Variants in PGM3 observed in about 807,000 individuals in gnomAD.
PGM3 encodes phosphoglucomutase 3.
PGM3 carries 40 observed loss-of-function variants against 66.2 expected under a neutral mutation model. The observed-to-expected ratio is 0.60, with a 90% CI of 0.47 to 0.79. PGM3 has a LOEUF of 0.79. Ranked by LOEUF, PGM3 falls within the 30% of genes least tolerant of loss-of-function variation. The pLI, the probability that PGM3 is intolerant of heterozygous loss-of-function variation, is 0.00. For synonymous variants in PGM3, 191 were observed against 224.2 expected (o/e 0.85, Z 1.32); for missense variants, 537 against 643.4 (o/e 0.83, Z 1.79).
Position 83,181,906 on chromosome 6 carries a change from C to A in PGM3, c.617G>T (p.Arg206Ile). 1.2e-6 allele frequency: 2 copies of A among 1,603,074 alleles called. No homozygotes were observed. The highest frequency in any genetic ancestry group is 1.7e-6 in the Non-Finnish European group (2 of 1,176,996). Residue 206 changes from arginine (R) to isoleucine (I), a missense_variant, in exon 6 of 13, where the codon AGA becomes ATA. Transcript: ENST00000513973. ...KQASCSGDEY[R>I]SLKVDCANGI... ...ATTTGCACAGTCAACCTTAAGTGAT[C>A]TGTATTCATCTCCACTGCAAGAAGC... is the stretch of plus-strand genomic sequence containing the variant.
At chr6:83,187,845 A>G (rs992912617) in intron 3 of PGM3, among the ~76,000 whole-genome samples, 4 of 152,134 alleles carry the variant, frequency 2.6e-5, no homozygotes, top group Admixed American at 6.6e-5. Context: ...GTAGGAAAAA[A>G]CGTTTCATCA....
Position 83,191,180 on chromosome 6 carries a change from G to C in PGM3, c.-2-166C>G, listed in dbSNP as rs755174589. 1.3e-6 allele frequency: 2 copies of C among 1,527,516 alleles called. No individual in the cohort carries two copies. The highest frequency in any genetic ancestry group is 2.0e-5 in the Admixed American group (1 of 50,984). 94.6% of individuals were successfully genotyped at this position (1,527,516 alleles called of 1,614,324 possible). A position where few individuals can be genotyped will look rare whatever the true frequency, so the allele number is the denominator to read the frequency against. ...GCAGGAGAGTAAGTCCTGTGGGTTA[G>C]AATTACCTACAAGATGTTGTCCAAC... On this transcript the variant is annotated intron_variant, in intron 1 of 12. Coordinates refer to ENST00000513973, the MANE Select transcript of PGM3 (RefSeq NM_015599.3).
rs1257080756 is a variant in PGM3 at position 83,166,273 on chromosome 6, T to C, written c.*2961A>G. 1 of 574,016 alleles carries C rather than the reference T, an allele frequency of 1.7e-6. No homozygotes were observed. Among genetic ancestry groups the C allele is most frequent in the Non-Finnish European group, 3.1e-6 (1 of 322,920 alleles). The allele number at this position is 574,016 out of a possible 1,614,324, so 35.6% of individuals were successfully genotyped here. A position where few individuals can be genotyped will look rare whatever the true frequency, so the allele number is the denominator to read the frequency against. Reference sequence around the variant, plus strand: ...TTCTTGGGCAGCTCTCTTATAGTTGTAAGAGGATCAGCTTCGATGATGTTC... The same window carrying C: ...TTCTTGGGCAGCTCTCTTATAGTTGCAAGAGGATCAGCTTCGATGATGTTC... On this transcript the variant is annotated 3_prime_UTR_variant, in exon 13 of 13. Coordinates refer to ENST00000513973, the MANE Select transcript of PGM3 (RefSeq NM_015599.3).
At chr6:83,185,483 G>A (rs1168196721) in intron 4 of PGM3, among the ~76,000 whole-genome samples, 1 of 152,198 alleles carries the variant, frequency 6.6e-6, no homozygotes, top group African/African-American at 2.4e-5. Context: ...AATGAATGAG[G>A]CCGGGCGCAG....
intron 8 of PGM3, 61 bp from the exon 9 acceptor site, chr6:83,176,121 A>T: frequency 1.1e-6 from 1 of 919,890 alleles, no homozygotes; most frequent in Non-Finnish European, 1.8e-6. Context: ...TTTCTTGCAT[A>T]CCTAGTATCC....
Position 83,168,158 on chromosome 6 carries a change from A to G in PGM3, c.*1076T>C. 1 of 1,611,804 alleles carries G rather than the reference A, an allele frequency of 6.2e-7. No individual in the cohort carries two copies. The highest frequency in any genetic ancestry group is 8.5e-7 in the Non-Finnish European group (1 of 1,179,228). Reference sequence around the variant, plus strand: ...AAAAAGATTTTCTGGAAGGGATGATAAAAACTTGAGCACCATTGCTGGTTC... The same window carrying G: ...AAAAAGATTTTCTGGAAGGGATGATGAAAACTTGAGCACCATTGCTGGTTC... On this transcript the variant is annotated 3_prime_UTR_variant, in exon 13 of 13. Transcript: ENST00000513973.
downstream of PGM3, among the ~76,000 whole-genome samples, chr6:83,158,106 C>T (rs113412607): frequency 6.9e-3 from 1,044 of 152,124 alleles, 5 homozygotes; most frequent in Middle Eastern, 0.034. Context: ...TCAGGCCATT[C>T]TCCTGCCTCA....
the PGM3 span, among the ~76,000 whole-genome samples, chr6:83,149,850 C>A: frequency 6.6e-6 from 1 of 152,050 alleles, no homozygotes; most frequent in African/African-American, 2.4e-5. Flanking sequence ...TGTCCAGAAC[C>A]AAAGGGAGGT....
downstream of PGM3, among the ~76,000 whole-genome samples, chr6:83,160,801 A>G (rs974195113): frequency 1.3e-5 from 2 of 152,240 alleles, no homozygotes; most frequent in African/African-American, 4.8e-5. Flanking sequence ...TTTCTTCTGG[A>G]ACAGAAATAA....
the PGM3 span, chr6:83,153,828 A>T: frequency 2.0e-6 from 3 of 1,496,134 alleles, no homozygotes; most frequent in South Asian, 3.9e-5. Flanking sequence ...GTGAACATTT[A>T]TGTATAACTT....
At chr6:83,151,821 A>G in the PGM3 span, 5 of 1,510,428 alleles carry the variant, frequency 3.3e-6, no homozygotes, top group East Asian at 9.1e-5. Context: ...TATAAACTAC[A>G]GAAGTTCATA....
the PGM3 span, among the ~76,000 whole-genome samples, chr6:83,155,776 C>T: frequency 1.3e-5 from 2 of 152,194 alleles, no homozygotes; most frequent in Admixed American, 1.3e-4. Context: ...GGTCCTCTGG[C>T]TTATATACGT....
chr6:83,154,021 A>G, the PGM3 span: 1 of 1,614,048 alleles, frequency 6.2e-7, no homozygotes, highest in South Asian at 1.1e-5. Context: ...TTTCTTTCAG[A>G]TGGATGCCTC....
At position 83,172,035 on chromosome 6, in the gene PGM3, T is replaced by A. The variant is rs1368089519; in HGVS notation, c.1267A>T (p.Met423Leu). 5 of 1,613,850 alleles carry A rather than the reference T, an allele frequency of 3.1e-6. No homozygotes were observed. Among genetic ancestry groups the A allele is most frequent in the East Asian group, 2.2e-5 (1 of 44,878 alleles). ...GCCAAGATTGCTTCAATCACCAGCA[T>A]GTCAGAAATAGCATCACCAGCTGCC... Reference protein sequence around the residue: ...NQAAGDAISDMLVIEAILALK... With the variant: ...NQAAGDAISDLLVIEAILALK... Residue 423 changes from methionine to leucine, a missense_variant, in exon 11 of 13, where the codon ATG becomes TTG. Met to Leu is a conservative substitution (Grantham distance 15). Transcript: ENST00000513973.
At chr6:83,159,990 A>G (rs371152822), downstream of PGM3, 28 of 1,608,812 alleles carry the variant, frequency 1.7e-5, no homozygotes, top group Non-Finnish European at 2.3e-5. Flanking sequence ...TTAAATGGTT[A>G]TTTTTGAAAG....
rs911709261 is a variant in PGM3 at position 83,181,863 on chromosome 6, C to T, written c.660G>A (p.Lys220=). Residue 220 remains lysine, a synonymous_variant, in exon 6 of 13, where the codon AAG becomes AAA. Transcript: ENST00000513973. ...AGAAGTAGTGTTCCATTTCCCTTAGCTTCAGGGCCCCTATGCCATTTGCAC... is the reference window on the plus strand; with the variant it reads ...AGAAGTAGTGTTCCATTTCCCTTAGTTTCAGGGCCCCTATGCCATTTGCAC... The part of the protein sequence containing the change: ...VDCANGIGAL[K]LREMEHYFSQ... 1 of 1,613,900 alleles carries T rather than the reference C, an allele frequency of 6.2e-7. No individual in the cohort carries two copies. Among genetic ancestry groups the T allele is most frequent in the Non-Finnish European group, 8.5e-7 (1 of 1,179,808 alleles).
chr6:83,157,697 A>T (rs532842680), downstream of PGM3, among the ~76,000 whole-genome samples: 10 of 152,294 alleles, frequency 6.6e-5, 1 homozygote, highest in South Asian at 2.1e-3. Flanking sequence ...GCTGGATTTA[A>T]CTGCTCTGAC....
chr6:83,189,978 G>A (rs780372937), intron 2 of PGM3, among the ~76,000 whole-genome samples: 3 of 151,826 alleles, frequency 2.0e-5, no homozygotes, highest in Non-Finnish European at 4.4e-5. Context: ...GCGGCTAGAG[G>A]GTAAGGGAAA....
rs770108815 is a variant in PGM3, at chr6:83,170,288, G to T, written c.1539+17C>A. ...CCTAATATTAGGCTCTTTTTCAATA[G>T]AACTATCCCAGCTTACTTGTGAGTC... On this transcript the variant is annotated intron_variant, in intron 12 of 12. Transcript: ENST00000513973. 1 of 1,612,222 alleles carries T rather than the reference G, an allele frequency of 6.2e-7. No individual in the cohort carries two copies. The highest frequency in any genetic ancestry group is 1.3e-5 in the African/African-American group (1 of 74,952).
Sources: gnomAD v4.1 joint callset for allele counts (sites outside exome capture counted in the v4.1 genomes callset) on GRCh38, gnomAD v4.1.1 for gene constraint, MANE v1.5 for transcripts, NCBI Gene and HGNC (gene_info 2026-07-23, HGNC 2026-07-21) for gene names.